SLC35F4: variants seen among roughly 807,000 people sequenced by gnomAD.
The protein encoded by SLC35F4 is chromosome 14 open reading frame 36.
SLC35F4 carries 24 observed loss-of-function variants against 44.2 expected under a neutral mutation model. The observed-to-expected ratio is 0.54, with a 90% confidence interval of 0.39 to 0.76. The LOEUF (loss-of-function observed/expected upper bound fraction) is 0.76, where lower values mean the gene tolerates loss of function less well. SLC35F4 is among the 30% of genes least tolerant of loss of function. The pLI, the probability that SLC35F4 is intolerant of heterozygous loss-of-function variation, is 0.00. For missense variants in SLC35F4, 562 were observed against 586.1 expected (o/e 0.96, Z 0.42); for synonymous variants, 238 against 223.6 (o/e 1.06, Z -0.57).
At chr14:57,920,510 C>G (rs979166908) in intron 1 of SLC35F4, among the ~76,000 whole-genome samples, 1 of 152,106 alleles carries the variant, frequency 6.6e-6, no homozygotes, top group African/African-American at 2.4e-5. Context: ...GAGCTCAAGG[C>G]TGCAATGAGC....
At chr14:57,646,102 TG>T (rs2140180037) in intron 1 of SLC35F4, among the ~76,000 whole-genome samples, 1 of 152,334 alleles carries the variant, frequency 6.6e-6, no homozygotes, top group East Asian at 1.9e-4. Flanking sequence ...GTTGTGTCTC[TG>T]CCAGGTTTTG....
intron 1 of SLC35F4, among the ~76,000 whole-genome samples, chr14:57,747,134 C>G (rs556205892): frequency 1.2e-3 from 176 of 152,228 alleles, no homozygotes; most frequent in Middle Eastern, 6.8e-3. Flanking sequence ...ATAGTACTCC[C>G]TAAAATATTT....
intron 1 of SLC35F4, among the ~76,000 whole-genome samples, chr14:57,673,074 G>A (rs2074573276): frequency 6.6e-6 from 1 of 152,034 alleles, no homozygotes; most frequent in Non-Finnish European, 1.5e-5. Flanking sequence ...AATCTTGTAA[G>A]TTGTATAAAG....
At chr14:57,905,015 A>G (rs1355759689) in intron 1 of SLC35F4, among the ~76,000 whole-genome samples, 1 of 152,254 alleles carries the variant, frequency 6.6e-6, no homozygotes, top group Non-Finnish European at 1.5e-5. Flanking sequence ...AACAATAAGA[A>G]TAATTTTATC....
chr14:57,565,905 A>G (rs571976230), intron 7 of SLC35F4, among the ~76,000 whole-genome samples: 1 of 152,362 alleles, frequency 6.6e-6, no homozygotes, highest in South Asian at 2.1e-4. Context: ...AAAGGACTGT[A>G]CAATCATCCA....
At position 57,582,213 on chromosome 14, in the gene SLC35F4, T is replaced by C. The variant is rs367595549; in HGVS notation, c.588-780A>G. ...CTAGGCCTAAACATGATTTTTTTTT[T>C]CCCCCTAGGTCTGGCTCTCTTACCC... is the stretch of plus-strand genomic sequence containing the variant. On this transcript the variant is annotated intron_variant, in intron 3 of 7. Coordinates refer to ENST00000556826, the MANE Select transcript of SLC35F4 (RefSeq NM_001306087.2). Among the ~76,000 whole-genome samples, 238 of 148,166 alleles carry C rather than the reference T, an allele frequency of 1.6e-3. 2 individuals carry two copies. Among genetic ancestry groups the C allele is most frequent in the Middle Eastern group, 6.9e-3 (2 of 288 alleles).
At chr14:57,676,581 A>T (rs749605124) in intron 1 of SLC35F4, among the ~76,000 whole-genome samples, 20 of 152,112 alleles carry the variant, frequency 1.3e-4, no homozygotes, top group African/African-American at 4.1e-4. Context: ...CTTAAAATTA[A>T]TTTTTTTAAA....
At chr14:57,584,317 A>G (rs1470682811) in intron 3 of SLC35F4, among the ~76,000 whole-genome samples, 1 of 152,222 alleles carries the variant, frequency 6.6e-6, no homozygotes, top group East Asian at 1.9e-4. Context: ...ATAAAAAAAT[A>G]CTGGAAATGC....
At chr14:57,789,915 T>A (rs2077871250) in intron 1 of SLC35F4, among the ~76,000 whole-genome samples, 1 of 152,226 alleles carries the variant, frequency 6.6e-6, no homozygotes, top group South Asian at 2.1e-4. Context: ...TCTCCATAGA[T>A]GCAGAAAAGG....
chr14:57,593,105 A>T (rs191504377), intron 2 of SLC35F4, among the ~76,000 whole-genome samples: 6 of 152,340 alleles, frequency 3.9e-5, no homozygotes, highest in African/African-American at 1.4e-4. Context: ...AAACAAAAGC[A>T]CAGAGACATT....
At position 57,583,753 on chromosome 14, in the gene SLC35F4, C is replaced by G. The variant is rs185869102; in HGVS notation, c.588-2320G>C. The stretch of plus-strand genomic sequence containing the variant: ...TGTTGTTGTAGAAATTAAAAATGCT[C>G]TCCATCTAAATGCCAGGTCACTTGT... On this transcript the variant is annotated intron_variant, in intron 3 of 7. Transcript: ENST00000556826. Among the ~76,000 whole-genome samples the G allele has an allele frequency of 1.9e-3, 289 of 152,250 alleles. 3 individuals carry two copies. The highest frequency in any genetic ancestry group is 6.8e-3 in the Middle Eastern group (2 of 294).
At chr14:57,917,985 A>G (rs1301682728) in intron 1 of SLC35F4, among the ~76,000 whole-genome samples, 1 of 152,102 alleles carries the variant, frequency 6.6e-6, no homozygotes, top group South Asian at 2.1e-4. Context: ...CTCTTCCCCT[A>G]TGTGGAAGTC....
intron 1 of SLC35F4, among the ~76,000 whole-genome samples, chr14:57,844,624 C>G (rs549382514): frequency 6.6e-6 from 1 of 152,256 alleles, no homozygotes; most frequent in Middle Eastern, 3.4e-3. Context: ...CTCTTTCTGT[C>G]CCCACATAAG....
intron 4 of SLC35F4, chr14:57,580,900 C>T (rs1013173895): frequency 9.4e-5 from 20 of 213,850 alleles, no homozygotes; most frequent in Admixed American, 1.7e-4. Context: ...TCAGACCCTT[C>T]GTTCCTGAGG....
Position 57,691,292 on chromosome 14 carries a change from A to G in SLC35F4, c.104-97168T>C, listed in dbSNP as rs577034438. 2.0e-5 allele frequency among the ~76,000 whole-genome samples: 3 copies of G among 152,344 alleles called. No individual in the cohort carries two copies. In the South Asian group the frequency reaches 6.2e-4, roughly 32 times the overall value. On this transcript the variant is annotated intron_variant, in intron 1 of 7. Transcript: ENST00000556826. ...GATGAAATGCTAGTTAACATATCAC[A>G]CACTATAATGGACTGAAACCTAACT...
At chr14:57,570,942 G>C (rs529847298) in intron 5 of SLC35F4, among the ~76,000 whole-genome samples, 1 of 152,108 alleles carries the variant, frequency 6.6e-6, no homozygotes, top group Non-Finnish European at 1.5e-5. Flanking sequence ...TGGGGAGCAA[G>C]TTAGACAGTA....
At chr14:57,912,762 T>C (rs1344886768) in intron 1 of SLC35F4, among the ~76,000 whole-genome samples, 1 of 152,062 alleles carries the variant, frequency 6.6e-6, no homozygotes, top group Non-Finnish European at 1.5e-5. Context: ...ATGAATAGGC[T>C]ATAGATGTCA....
At chr14:57,625,027 A>C (rs2072403144) in intron 1 of SLC35F4, among the ~76,000 whole-genome samples, 1 of 152,246 alleles carries the variant, frequency 6.6e-6, no homozygotes, top group South Asian at 2.1e-4. Flanking sequence ...CTCTGTTTGC[A>C]GATGACGCAA....
intron 1 of SLC35F4, among the ~76,000 whole-genome samples, chr14:57,635,859 T>A (rs1327012809): frequency 6.6e-6 from 1 of 152,138 alleles, no homozygotes; most frequent in Non-Finnish European, 1.5e-5. Context: ...TGTATGTAAT[T>A]ACGCCAACAC....
Sources: gnomAD v4.1 joint callset for allele counts (sites outside exome capture counted in the v4.1 genomes callset) on GRCh38, gnomAD v4.1.1 for gene constraint, MANE v1.5 for transcripts, NCBI Gene and HGNC (gene_info 2026-07-23, HGNC 2026-07-21) for gene names.